GALNT18: variants seen among roughly 807,000 people sequenced by gnomAD.
GALNT18 encodes the protein polypeptide N-acetylgalactosaminyltransferase 18, also known as GalNAc-transferase 18.
A neutral mutation model predicts 69.5 loss-of-function variants in GALNT18; 44 were observed. The ratio of observed to expected loss-of-function variants is 0.63; its 90% CI spans 0.50 to 0.81. The LOEUF (loss-of-function observed/expected upper bound fraction) is 0.81. GALNT18 is among the 40% of genes least tolerant of loss of function. The pLI, the probability that GALNT18 is intolerant of heterozygous loss-of-function variation, is 0.00. For missense variants in GALNT18, 715 were observed against 810.0 expected (o/e 0.88, Z 1.42); for synonymous variants, 364 against 318.2 (o/e 1.14, Z -1.53).
intron 3 of GALNT18, among the ~76,000 whole-genome samples, chr11:11,406,537 C>T (rs745479590): frequency 5.3e-4 from 81 of 152,262 alleles, no homozygotes; most frequent in Non-Finnish European, 7.1e-4. Context: ...AGAAATGGTT[C>T]GACATTTATG....
intron 3 of GALNT18, among the ~76,000 whole-genome samples, chr11:11,397,126 A>T (rs568245989): frequency 6.6e-6 from 1 of 152,058 alleles, no homozygotes; most frequent in East Asian, 1.9e-4. Context: ...TTCTCCTAGG[A>T]CTCTGCAGGC....
chr11:11,271,167 C>A lies in GALNT18; in HGVS notation c.1801G>T (p.Val601Phe). ...GGTCAGGACGCGAGGCTCCTCAGGACGTTGGTGATGCTCCAGTGCTGGCCC... is the reference window on the plus strand; with the variant it reads ...GGTCAGGACGCGAGGCTCCTCAGGAAGTTGGTGATGCTCCAGTGCTGGCCC... ...CSGQHWSITN[V>F]LRSLAS Residue 601 changes from valine to phenylalanine, a missense_variant, in exon 11 of 11, where the codon GTC becomes TTC. Val to Phe is a conservative substitution (Grantham distance 50, BLOSUM62 -1). Transcript: ENST00000227756. 1 of 1,613,752 alleles carries A rather than the reference C, an allele frequency of 6.2e-7. No homozygotes were observed. Among genetic ancestry groups the A allele is most frequent in the South Asian group, 1.1e-5 (1 of 91,072 alleles).
chr11:11,346,513 AAG>A (rs1850305766), intron 6 of GALNT18, among the ~76,000 whole-genome samples: 1 of 152,222 alleles, frequency 6.6e-6, no homozygotes, highest in Non-Finnish European at 1.5e-5. Context: ...GCTGCAATCA[AAG>A]AGAGTTACTT....
rs1046201370 is a variant in GALNT18 at position 11,470,947 on chromosome 11, G to C, written c.236-22011C>G. 2.6e-5 allele frequency among the ~76,000 whole-genome samples: 4 copies of C among 152,092 alleles called. No individual in the cohort carries two copies. Among genetic ancestry groups the C allele is most frequent in the African/African-American group, 7.2e-5 (3 of 41,400 alleles). ...CAAACGTCCTGCCAAATGGCTTCTT[G>C]ATTTCTCCCCATTCATACTCAGGGG... On this transcript the variant is annotated intron_variant, in intron 1 of 10. Coordinates refer to ENST00000227756, the MANE Select transcript of GALNT18 (RefSeq NM_198516.3). This position sits in a 1 kb window ranked among gnomAD's most constrained non-coding sequence, Gnocchi z 4.8.
chr11:11,439,368 A>T lies in GALNT18; in HGVS notation c.429-6581T>A, dbSNP rs1855485911. 6.6e-6 allele frequency among the ~76,000 whole-genome samples: 1 copy of T among 152,130 alleles called. No homozygotes were observed. The highest frequency in any genetic ancestry group is 2.4e-5 in the African/African-American group (1 of 41,446). ...TCTCATTGTGTGATTGTGGGCCTTC[A>T]TCAGCCTTCAAAAAATCCCAACCAC... On this transcript the variant is annotated intron_variant, in intron 2 of 10. Transcript: ENST00000227756. This position sits in a 1 kb window ranked among gnomAD's most constrained non-coding sequence, Gnocchi z 4.4.
At chr11:11,534,647 G>A (rs992434232) in intron 1 of GALNT18, among the ~76,000 whole-genome samples, 9 of 152,198 alleles carry the variant, frequency 5.9e-5, no homozygotes, top group African/African-American at 1.9e-4. Context: ...CATTCTATGT[G>A]ACTTGAAAAC....
chr11:11,529,113 C>T (rs945589545), intron 1 of GALNT18, among the ~76,000 whole-genome samples: 1 of 152,166 alleles, frequency 6.6e-6, no homozygotes, highest in African/African-American at 2.4e-5. Flanking sequence ...ACTACTAGTG[C>T]CTTCCCTGTG....
At chr11:11,493,021 G>C (rs1856803406) in intron 1 of GALNT18, among the ~76,000 whole-genome samples, 2 of 152,054 alleles carry the variant, frequency 1.3e-5, no homozygotes, top group South Asian at 4.2e-4. Flanking sequence ...CCAGCACTTT[G>C]GGAGGCCGAG....
At chr11:11,292,893 TG>T in intron 10 of GALNT18, 135 bp downstream of exon 10, 1 of 734,798 alleles carries the variant, frequency 1.4e-6, no homozygotes, top group Non-Finnish European at 2.0e-6. Context: ...CAAAGCAGTC[TG>T]GAGCCACAGC....
chr11:11,485,319 T>C (rs1307758893), intron 1 of GALNT18, among the ~76,000 whole-genome samples: 1 of 152,220 alleles, frequency 6.6e-6, no homozygotes, highest in Non-Finnish European at 1.5e-5. Flanking sequence ...ATCCTTTTGA[T>C]GACCCACTAT....
rs372579300 is a variant in GALNT18 at position 11,586,989 on chromosome 11, CAAAT to C, written c.235+34366_235+34369del. 1.3e-3 allele frequency among the ~76,000 whole-genome samples: 204 copies of C among 151,662 alleles called. 2 individuals are homozygous for C. The highest frequency in any genetic ancestry group is 5.1e-3 in the Admixed American group (78 of 15,230). ...GGGAACAAGAGTGAAACCCCATCTC[CAAAT>C]AAATAAATAAATAAATAAATAAACT... is the stretch of plus-strand genomic sequence containing the variant. On this transcript the variant is annotated intron_variant, in intron 1 of 10. Coordinates refer to ENST00000227756, the MANE Select transcript of GALNT18 (RefSeq NM_198516.3). The surrounding 1 kb of genome is among the most constrained non-coding windows in gnomAD (Gnocchi z 4.1).
chr11:11,587,856 A>G lies in GALNT18; in HGVS notation c.235+33503T>C, dbSNP rs113043578. ...CTATGGTCCAAAGAATAATAAGAAC[A>G]CAAAATATAGAAATCCGAAAGGAAA... is the stretch of plus-strand genomic sequence containing the variant. On this transcript the variant is annotated intron_variant, in intron 1 of 10. Coordinates refer to ENST00000227756, the MANE Select transcript of GALNT18 (RefSeq NM_198516.3). The surrounding 1 kb of genome is among the most constrained non-coding windows in gnomAD (Gnocchi z 4.4). Among the ~76,000 whole-genome samples, 4,815 of 152,154 alleles carry G rather than the reference A, an allele frequency of 0.032. 234 individuals carry two copies. Among genetic ancestry groups the G allele is most frequent in the African/African-American group, 0.11 (4,544 of 41,460 alleles).
Position 11,586,920 on chromosome 11 carries a change from G to A in GALNT18, c.235+34439C>T, listed in dbSNP as rs532185682. On this transcript the variant is annotated intron_variant, in intron 1 of 10. Coordinates refer to ENST00000227756, the MANE Select transcript of GALNT18 (RefSeq NM_198516.3). The surrounding 1 kb of genome is among the most constrained non-coding windows in gnomAD (Gnocchi z 4.1). ...GGAGAATCACTTGAACCCAGGAGGC[G>A]GAGGGTGCAGTGAGCCGAGATCGTG... Among the ~76,000 whole-genome samples, 17 of 152,186 alleles carry A rather than the reference G, an allele frequency of 1.1e-4. No homozygotes were observed. Among genetic ancestry groups the A allele is most frequent in the Admixed American group, 1.0e-3 (16 of 15,284 alleles).
intron 2 of GALNT18, among the ~76,000 whole-genome samples, chr11:11,437,662 G>A (rs1314590735): frequency 1.3e-5 from 2 of 150,594 alleles, no homozygotes; most frequent in African/African-American, 4.9e-5. Flanking sequence ...AGACACCTCC[G>A]TCTTGGACTG....
rs1490146632 is a variant in GALNT18, at chr11:11,337,779, G to A, written c.1278+3040C>T. ...CAGCATGGCATGGACGGTATGTAATGGGCAGTTCCCATAGTCCACGCAACG... is the reference window on the plus strand; with the variant it reads ...CAGCATGGCATGGACGGTATGTAATAGGCAGTTCCCATAGTCCACGCAACG... On this transcript the variant is annotated intron_variant, in intron 7 of 10. Coordinates refer to ENST00000227756, the MANE Select transcript of GALNT18 (RefSeq NM_198516.3). The surrounding 1 kb of genome is among the most constrained non-coding windows in gnomAD (Gnocchi z 4.9). 6.6e-6 allele frequency among the ~76,000 whole-genome samples: 1 copy of A among 152,040 alleles called. No individual in the cohort carries two copies. Among genetic ancestry groups the A allele is most frequent in the East Asian group, 1.9e-4 (1 of 5,168 alleles).
intron 3 of GALNT18, 115 bp from the exon 4 acceptor site, chr11:11,379,379 C>T (rs1344458603): frequency 9.8e-7 from 1 of 1,019,804 alleles, no homozygotes; most frequent in East Asian, 2.5e-5. Context: ...GGGACCCATT[C>T]CCCTCCCTGG....
At chr11:11,574,314 C>G (rs1858867449) in intron 1 of GALNT18, among the ~76,000 whole-genome samples, 1 of 152,184 alleles carries the variant, frequency 6.6e-6, no homozygotes, top group African/African-American at 2.4e-5. Flanking sequence ...CAGCCCTGCT[C>G]AGACCAGAAA....
intron 3 of GALNT18, among the ~76,000 whole-genome samples, chr11:11,397,352 T>C (rs1319759139): frequency 6.6e-6 from 1 of 152,164 alleles, no homozygotes; most frequent in Non-Finnish European, 1.5e-5. Context: ...CTGTGGATTG[T>C]AGGCTTTGGG....
At chr11:11,481,038 G>A (rs1166671662) in intron 1 of GALNT18, among the ~76,000 whole-genome samples, 1 of 152,068 alleles carries the variant, frequency 6.6e-6, no homozygotes, top group Non-Finnish European at 1.5e-5. Context: ...CCTCAGCACC[G>A]ACTTTCCAAT....
Sources: allele counts gnomAD v4.1 joint callset (sites outside exome capture counted in the v4.1 genomes callset), GRCh38; gene constraint gnomAD v4.1.1; non-coding constraint Gnocchi (gnomAD v3.1); transcripts MANE v1.5; gene names NCBI Gene and HGNC (gene_info 2026-07-23, HGNC 2026-07-21).